GLIS1: variants seen among roughly 807,000 people sequenced by gnomAD.
GLIS1 encodes GLIS family zinc finger 1.
Under a neutral mutation model 63.8 loss-of-function variants are expected in GLIS1, and 24 were observed. The ratio of observed to expected loss-of-function variants is 0.38; its 90% CI spans 0.27 to 0.53. The LOEUF is 0.53. GLIS1 is among the 20% of genes least tolerant of loss of function. The pLI is 0.85. For synonymous variants in GLIS1, 450 were observed against 482.5 expected (o/e 0.93, Z 0.88); for missense variants, 1,036 against 1,074.1 (o/e 0.96, Z 0.50).
At chr1:53,614,878 ACT>A (rs748750630) in intron 2 of GLIS1, among the ~76,000 whole-genome samples, 13 of 149,802 alleles carry the variant, frequency 8.7e-5, no homozygotes, top group African/African-American at 2.0e-4. Flanking sequence ...ACTCATACAC[ACT>A]CTCTTATACT....
intron 2 of GLIS1, among the ~76,000 whole-genome samples, chr1:53,732,141 C>T (rs1004432633): frequency 6.6e-6 from 1 of 152,226 alleles, no homozygotes; most frequent in African/African-American, 2.4e-5. Flanking sequence ...GACTCAAATG[C>T]TAACTTTAAA....
chr1:53,659,652 T>C (rs1646004881), intron 2 of GLIS1, among the ~76,000 whole-genome samples: 1 of 152,140 alleles, frequency 6.6e-6, no homozygotes, highest in Non-Finnish European at 1.5e-5. Flanking sequence ...CCCCACTCAC[T>C]GATGCTGAAT....
chr1:53,728,251 G>A (rs1570111536), intron 2 of GLIS1, among the ~76,000 whole-genome samples: 1 of 152,194 alleles, frequency 6.6e-6, no homozygotes, highest in East Asian at 1.9e-4. Context: ...AATCAGTAGG[G>A]TCAATCTGGT....
At chr1:53,529,750 CA>C (rs1429100448) in intron 5 of GLIS1, 40 bp downstream of exon 5, 1 of 1,588,520 alleles carries the variant, frequency 6.3e-7, no homozygotes, top group Non-Finnish European at 8.5e-7. Flanking sequence ...GGTGTGTGGC[CA>C]TCCTCCACCC....
intron 4 of GLIS1, among the ~76,000 whole-genome samples, chr1:53,581,063 T>G (rs945153376): frequency 6.6e-6 from 1 of 152,168 alleles, no homozygotes; most frequent in African/African-American, 2.4e-5. Flanking sequence ...GTTTCCAAAT[T>G]TGTGTTTCCA....
chr1:53,648,360 C>T (rs7529819), intron 2 of GLIS1, among the ~76,000 whole-genome samples: 104,469 of 152,006 alleles, frequency 0.69, 36,515 homozygotes, highest in Middle Eastern at 0.8. Context: ...CAAGCAACAT[C>T]GTATGTTAGA....
At chr1:53,679,513 G>C (rs1174670047) in intron 2 of GLIS1, among the ~76,000 whole-genome samples, 1 of 152,156 alleles carries the variant, frequency 6.6e-6, no homozygotes, top group African/African-American at 2.4e-5. Context: ...CAGAGACTCA[G>C]ACCCCTGCCC....
At chr1:53,629,482 T>C (rs529390852) in intron 2 of GLIS1, among the ~76,000 whole-genome samples, 2 of 152,298 alleles carry the variant, frequency 1.3e-5, no homozygotes, top group East Asian at 3.9e-4. Context: ...ATGAACAGCA[T>C]GAGATGGGCT....
intron 4 of GLIS1, among the ~76,000 whole-genome samples, chr1:53,554,124 G>A (rs914784636): frequency 6.6e-6 from 1 of 152,176 alleles, no homozygotes; most frequent in Non-Finnish European, 1.5e-5. Context: ...GCCACAAGAT[G>A]GCACCCATTA....
chr1:53,624,397 A>T (rs1473839558), intron 2 of GLIS1, among the ~76,000 whole-genome samples: 4 of 152,232 alleles, frequency 2.6e-5, no homozygotes, highest in Non-Finnish European at 4.4e-5. Context: ...TTTATAATGC[A>T]TCATCAACCT....
At position 53,574,417 on chromosome 1, in the gene GLIS1, T is replaced by G. The variant is rs945090325; in HGVS notation, c.1320+19691A>C. Among the ~76,000 whole-genome samples the G allele has an allele frequency of 9.9e-5, 15 of 152,194 alleles. No individual in the cohort carries two copies. Among genetic ancestry groups the G allele is most frequent in the Non-Finnish European group, 1.8e-4 (12 of 68,040 alleles). ...TCTCACCTTGGAAGACAGGCATCAT[T>G]ACTGCCACAAGCAGCAGGGCCTCCC... On this transcript the variant is annotated intron_variant, in intron 4 of 10. Coordinates refer to ENST00000628545, the MANE Select transcript of GLIS1 (RefSeq NM_001367484.1). This position sits in a 1 kb window ranked among gnomAD's most constrained non-coding sequence, Gnocchi z 4.2.
intron 4 of GLIS1, among the ~76,000 whole-genome samples, chr1:53,571,204 C>T (rs1031446918): frequency 3.9e-5 from 6 of 152,210 alleles, no homozygotes; most frequent in South Asian, 4.1e-4. Context: ...ATTAAGACCA[C>T]GAGATGCCAT....
chr1:53,718,210 A>T (rs1025460536), intron 2 of GLIS1, among the ~76,000 whole-genome samples: 3 of 152,154 alleles, frequency 2.0e-5, no homozygotes, highest in African/African-American at 7.2e-5. Flanking sequence ...TCTCTGCCTA[A>T]ATCAGTCAGT....
intron 2 of GLIS1, among the ~76,000 whole-genome samples, chr1:53,653,570 C>T (rs1281754842): frequency 1.3e-5 from 2 of 152,208 alleles, no homozygotes; most frequent in African/African-American, 2.4e-5. Context: ...TTACCCAGAT[C>T]TCCTCTTGGC....
chr1:53,514,074 A>G (rs774503645), intron 8 of GLIS1, among the ~76,000 whole-genome samples: 2 of 152,238 alleles, frequency 1.3e-5, no homozygotes, highest in Admixed American at 6.5e-5. Flanking sequence ...AGTGGCCACA[A>G]TGAGAACCAC....
chr1:53,587,797 G>C (rs1645150896), intron 4 of GLIS1, among the ~76,000 whole-genome samples: 1 of 152,218 alleles, frequency 6.6e-6, no homozygotes, highest in South Asian at 2.1e-4. Flanking sequence ...GACCCAGCCA[G>C]GGGGCACACA....
At chr1:53,527,681 T>C (rs1644485125) in intron 5 of GLIS1, among the ~76,000 whole-genome samples, 1 of 152,216 alleles carries the variant, frequency 6.6e-6, no homozygotes, top group Non-Finnish European at 1.5e-5. Context: ...GGCCCTGCCC[T>C]GTGAGGGGCC....
intron 2 of GLIS1, among the ~76,000 whole-genome samples, chr1:53,661,506 A>T (rs984184225): frequency 6.6e-6 from 1 of 152,172 alleles, no homozygotes. Context: ...GGTCTTCTAG[A>T]CTTCCCTAGA....
rs544965370 is a variant in GLIS1 at position 53,584,554 on chromosome 1, T to C, written c.1320+9554A>G. 5.3e-5 allele frequency among the ~76,000 whole-genome samples: 8 copies of C among 152,332 alleles called. No homozygotes were observed. In the South Asian group the frequency reaches 1.4e-3, roughly 28 times the overall value. On this transcript the variant is annotated intron_variant, in intron 4 of 10. Transcript: ENST00000628545. ...CCAGACCATTCTTCCTTTGACACTG[T>C]ACTCCTTGCTTCTAGCACTGAACTT...
Sources: allele counts gnomAD v4.1 joint callset (sites outside exome capture counted in the v4.1 genomes callset), GRCh38; gene constraint gnomAD v4.1.1; non-coding constraint Gnocchi (gnomAD v3.1); transcripts MANE v1.5; gene names NCBI Gene and HGNC (gene_info 2026-07-23, HGNC 2026-07-21).